Variants in EYS observed in about 807,000 individuals in gnomAD.
The protein encoded by EYS is EGF-like photoreceptor maintenance factor.
In EYS, 250 loss-of-function variants were observed where a neutral mutation model predicts 282.1. That is an observed-to-expected ratio of 0.89 (90% CI 0.80 to 0.98). The LOEUF (loss-of-function observed/expected upper bound fraction) is 0.98, where lower values mean the gene tolerates loss of function less well. Among genes scored for constraint, EYS ranks in the 50% least tolerant of loss-of-function variants. The pLI, the probability that EYS is intolerant of heterozygous loss-of-function variation, is 0.00. For synonymous variants in EYS, 1,355 were observed against 1,282.9 expected, an observed-to-expected ratio of 1.06 and a Z score of -1.20; for missense variants, 4,016 against 3,709.0, an observed-to-expected ratio of 1.08 and a Z score of -2.15.
intron 30 of EYS, among the ~76,000 whole-genome samples, chr6:64,289,679 T>A (rs1170449609): frequency 2.6e-5 from 4 of 152,046 alleles, no homozygotes; most frequent in Non-Finnish European, 1.5e-5. Context: ...TGTTTTGTCT[T>A]TATATCTCAG....
chr6:63,837,188 G>A (rs140049066), intron 36 of EYS, among the ~76,000 whole-genome samples: 48 of 152,194 alleles, frequency 3.2e-4, no homozygotes, highest in Middle Eastern at 6.8e-3. Context: ...TCCTAGAGCT[G>A]TAACTTTTAT....
At position 64,479,341 on chromosome 6, in the gene EYS, G is replaced by A. The variant is rs1018894254; in HGVS notation, c.5645-39989C>T. 3.9e-5 allele frequency among the ~76,000 whole-genome samples: 6 copies of A among 152,008 alleles called. No homozygotes were observed. In the East Asian group the frequency reaches 7.8e-4, roughly 20 times the overall value. On this transcript the variant is annotated intron_variant, in intron 26 of 42. Coordinates refer to ENST00000503581, the MANE Select transcript of EYS (RefSeq NM_001142800.2). ...TGATTACGTCACTTTACTGCTCCATGATATTGCCTGCTCCATAAAATTCAA... is the reference window on the plus strand; with the variant it reads ...TGATTACGTCACTTTACTGCTCCATAATATTGCCTGCTCCATAAAATTCAA...
chr6:64,898,806 A>G (rs1767557923), intron 18 of EYS, among the ~76,000 whole-genome samples: 1 of 151,578 alleles, frequency 6.6e-6, no homozygotes, highest in African/African-American at 2.4e-5. Flanking sequence ...AGGTGTTACA[A>G]TCCTAGTCTC....
In EYS at chr6:64,650,752, T is replaced by G. The variant is rs1195088821; in HGVS notation, c.3444-24507A>C. ...GTAAATTCATGTTGTATAAACTGTC[T>G]CAGAACATAGAAAAAAGGTGCTTTT... On this transcript the variant is annotated intron_variant, in intron 22 of 42. Coordinates refer to ENST00000503581, the MANE Select transcript of EYS (RefSeq NM_001142800.2). Among the ~76,000 whole-genome samples the G allele has an allele frequency of 2.0e-5, 3 of 151,984 alleles. No individual in the cohort carries two copies. The East Asian group carries it at 5.8e-4, about 29-fold the overall frequency.
intron 2 of EYS, among the ~76,000 whole-genome samples, chr6:65,537,753 C>T (rs11962539): frequency 0.02 from 3,055 of 152,228 alleles, 104 homozygotes; most frequent in African/African-American, 0.07. Context: ...TACTAGAACA[C>T]GCTTGAATAT....
intron 12 of EYS, among the ~76,000 whole-genome samples, chr6:65,066,503 G>A (rs887314538): frequency 6.6e-6 from 1 of 152,088 alleles, no homozygotes; most frequent in Non-Finnish European, 1.5e-5. Flanking sequence ...AGCTTATTAG[G>A]CATGTCATCA....
intron 22 of EYS, among the ~76,000 whole-genome samples, chr6:64,682,889 A>C (rs1769950300): frequency 6.6e-6 from 1 of 152,140 alleles, no homozygotes. Flanking sequence ...ATTTCTTCTG[A>C]GAAGGCAAGA....
chr6:63,986,455 A>G (rs1409733923), intron 34 of EYS, among the ~76,000 whole-genome samples: 1 of 151,874 alleles, frequency 6.6e-6, no homozygotes, highest in Non-Finnish European at 1.5e-5. Flanking sequence ...TCATTCTACC[A>G]TAAAGACACA....
At chr6:64,528,145 T>C (rs1031888328) in intron 26 of EYS, among the ~76,000 whole-genome samples, 2 of 151,900 alleles carry the variant, frequency 1.3e-5, no homozygotes, top group African/African-American at 4.8e-5. Flanking sequence ...GGAATACATT[T>C]TTCCAAAGTT....
At position 64,626,109 on chromosome 6, in the gene EYS, T is replaced by C. The variant is rs1388410684; in HGVS notation, c.3568+12A>G. 2.3e-5 allele frequency: 34 copies of C among 1,474,328 alleles called. No homozygotes were observed. Among genetic ancestry groups the C allele is most frequent in the Non-Finnish European group, 3.0e-5 (32 of 1,083,860 alleles). 91.3% of individuals were successfully genotyped at this position (1,474,328 alleles called of 1,614,324 possible). On this transcript the variant is annotated intron_variant, in intron 23 of 42. Transcript: ENST00000503581. Reference sequence around the variant, plus strand: ...ATATATGCAGTATGCTTATTATTTTTAAAATAATTACCTGGTTGGCATTTG... The same window carrying C: ...ATATATGCAGTATGCTTATTATTTTCAAAATAATTACCTGGTTGGCATTTG...
At chr6:63,983,932 G>T (rs1215917472) in intron 35 of EYS, among the ~76,000 whole-genome samples, 2 of 151,578 alleles carry the variant, frequency 1.3e-5, no homozygotes, top group African/African-American at 4.8e-5. Flanking sequence ...AACAGATATA[G>T]GTAATTTTGT....
At chr6:64,337,849 C>T (rs954504773) in intron 29 of EYS, among the ~76,000 whole-genome samples, 1 of 152,000 alleles carries the variant, frequency 6.6e-6, no homozygotes, top group Non-Finnish European at 1.5e-5. Flanking sequence ...AAATGTGATA[C>T]ACCATATACA....
chr6:65,617,553 A>C (rs935754615), intron 2 of EYS, among the ~76,000 whole-genome samples: 1 of 151,340 alleles, frequency 6.6e-6, no homozygotes, highest in Admixed American at 6.6e-5. Context: ...TATATTTTTT[A>C]AATTTATTAT....
chr6:65,039,048 C>A (rs921432094), intron 13 of EYS, among the ~76,000 whole-genome samples: 3 of 151,268 alleles, frequency 2.0e-5, no homozygotes, highest in Non-Finnish European at 4.4e-5. Context: ...ATCATTTTTT[C>A]TTTAATGATT....
intron 22 of EYS, among the ~76,000 whole-genome samples, chr6:64,795,423 C>G (rs1484026061): frequency 2.0e-5 from 3 of 152,032 alleles, no homozygotes; most frequent in Admixed American, 2.0e-4. Context: ...CTTGGTTGGA[C>G]AAATATCTAT....
At chr6:64,217,872 C>G (rs989542936) in intron 31 of EYS, among the ~76,000 whole-genome samples, 3 of 152,086 alleles carry the variant, frequency 2.0e-5, no homozygotes. Flanking sequence ...ATATCCTACC[C>G]CCACCACAAA....
At chr6:64,285,467 C>T (rs1768465106) in intron 30 of EYS, among the ~76,000 whole-genome samples, 1 of 152,144 alleles carries the variant, frequency 6.6e-6, no homozygotes, top group African/African-American at 2.4e-5. Context: ...TTTCACTGTC[C>T]ATATCATTAT....
chr6:64,163,881 CTA>C (rs1562232998), intron 31 of EYS, among the ~76,000 whole-genome samples: 1 of 152,094 alleles, frequency 6.6e-6, no homozygotes, highest in African/African-American at 2.4e-5. Context: ...ACATGAAAGA[CTA>C]TTCCAGAAGG....
At chr6:65,125,956 C>G (rs573776497) in intron 12 of EYS, among the ~76,000 whole-genome samples, 1 of 152,018 alleles carries the variant, frequency 6.6e-6, no homozygotes. Context: ...AGGAATCTAG[C>G]CTGCATCTTC....
Sources: allele counts gnomAD v4.1 joint callset (sites outside exome capture counted in the v4.1 genomes callset), GRCh38; gene constraint gnomAD v4.1.1; transcripts MANE v1.5; gene names NCBI Gene and HGNC (gene_info 2026-07-23, HGNC 2026-07-21).